The following CDHR2 variants were observed in gnomAD, a reference collection of about 807,000 sequenced individuals.
CDHR2 encodes the protein cadherin related family member 2.
In CDHR2, 104 loss-of-function variants were observed where a neutral mutation model predicts 138.6. That is an observed-to-expected ratio of 0.75 (90% confidence interval 0.64 to 0.88). The LOEUF (loss-of-function observed/expected upper bound fraction) is 0.88. Among genes scored for constraint, CDHR2 ranks in the 40% least tolerant of loss-of-function variants. The probability of loss-of-function intolerance (pLI) is 0.00; values close to 1 mark genes in which losing one functional copy is unlikely to be tolerated. For synonymous variants in CDHR2, 755 were observed against 742.8 expected (o/e 1.02, Z -0.27); for missense variants, 1,624 against 1,727.6 (o/e 0.94, Z 1.06).
Position 176,590,162 on chromosome 5 carries a change from C to T in CDHR2, c.3275+16C>T, listed in dbSNP as rs1469471791. ...CTGCAGCTCGGTGAGTGCCCAGAGG[C>T]CTGGGGGTGGGGTTGAGGGGGAGAA... On this transcript the variant is annotated intron_variant, in intron 25 of 31. Transcript: ENST00000261944. The T allele has an allele frequency of 1.9e-6, 3 of 1,612,366 alleles. No individual in the cohort carries two copies. The East Asian group carries it at 6.7e-5, about 36-fold the overall frequency.
chr5:176,573,403 G>T, intron 6 of CDHR2, among the ~76,000 whole-genome samples: 1 of 152,112 alleles, frequency 6.6e-6, no homozygotes, highest in Non-Finnish European at 1.5e-5. Context: ...ACTTTGGGAG[G>T]CTGAGGCGGG....
intron 6 of CDHR2, among the ~76,000 whole-genome samples, chr5:176,571,856 G>C (rs1758242691): frequency 6.6e-6 from 1 of 152,070 alleles, no homozygotes; most frequent in Non-Finnish European, 1.5e-5. Flanking sequence ...AAAAAATTTA[G>C]AGGTACCTCA....
intron 19 of CDHR2, among the ~76,000 whole-genome samples, 160 bp downstream of exon 19, chr5:176,585,175 T>G (rs1309184454): frequency 6.6e-6 from 1 of 152,254 alleles, no homozygotes; most frequent in African/African-American, 2.4e-5. Flanking sequence ...AAGCTTCAGT[T>G]TCCCCATCTG....
chr5:176,566,770 C>CTT (rs887870481), intron 3 of CDHR2, among the ~76,000 whole-genome samples: 43 of 152,364 alleles, frequency 2.8e-4, no homozygotes, highest in African/African-American at 1.0e-3. Context: ...ATTGCTTCTG[C>CTT]TTTTGTCTCT....
In CDHR2 at chr5:176,585,922, C is replaced by T. The variant is rs115317349; in HGVS notation, c.2735-32C>T. ...AGGCTCTTTGGGTCAAGCTTTTGCC[C>T]AGAGCCAAAGCCAGCTGACCTTGTC... On this transcript the variant is annotated intron_variant, in intron 19 of 31. Coordinates refer to ENST00000261944, the MANE Select transcript of CDHR2 (RefSeq NM_017675.6). 8.6e-4 allele frequency: 1,356 copies of T among 1,581,048 alleles called. 15 individuals are homozygous for T. The African/African-American group carries it at 0.016, about 18-fold the overall frequency.
intron 21 of CDHR2, among the ~76,000 whole-genome samples, chr5:176,588,011 C>A (rs1208932705): frequency 6.6e-6 from 1 of 152,178 alleles, no homozygotes; most frequent in African/African-American, 2.4e-5. Context: ...TTAACAGTAA[C>A]GTTGGTGAAC....
chr5:176,546,981 C>CT (rs10719326), upstream of CDHR2, among the ~76,000 whole-genome samples: 79 of 136,308 alleles, frequency 5.8e-4, 2 homozygotes, highest in African/African-American at 2.0e-3. Context: ...TCTTTTTGGT[C>CT]TTTTTTTTTT....
chr5:176,580,878 GAAAGAAA>G (rs750733827), intron 16 of CDHR2, among the ~76,000 whole-genome samples: 14 of 152,126 alleles, frequency 9.2e-5, no homozygotes, highest in African/African-American at 2.2e-4. Flanking sequence ...GAAACTGTAT[GAAAGAAA>G]AAAGAAAAAA....
At chr5:176,544,123 C>T (rs987874469) in intron 1 of CDHR2, among the ~76,000 whole-genome samples, 1 of 152,268 alleles carries the variant, frequency 6.6e-6, no homozygotes, top group Admixed American at 6.5e-5. Context: ...ACCAGGTCGT[C>T]TGCTTAGCCC....
At chr5:176,564,247 G>A (rs753186093) in intron 1 of CDHR2, among the ~76,000 whole-genome samples, 3 of 152,094 alleles carry the variant, frequency 2.0e-5, no homozygotes, top group Admixed American at 1.3e-4. Flanking sequence ...ATGCGATGGC[G>A]TGATCTCATC....
chr5:176,557,012 C>CT (rs1757846127), intron 1 of CDHR2, among the ~76,000 whole-genome samples: 3 of 73,338 alleles, frequency 4.1e-5, no homozygotes, highest in Admixed American at 1.6e-4. Flanking sequence ...CTCTCTCTCT[C>CT]TCTCTTTTTT....
intron 17 of CDHR2, among the ~76,000 whole-genome samples, chr5:176,583,385 C>T (rs1416705311): frequency 6.6e-6 from 1 of 152,222 alleles, no homozygotes; most frequent in African/African-American, 2.4e-5. Flanking sequence ...AAATTAGCAG[C>T]AGAAAAGACA....
Position 176,569,037 on chromosome 5 carries a change from A to G in CDHR2, c.315+27A>G, listed in dbSNP as rs751934610. ...TGAGTTGGGAGGTGCAGGGGGGTAG[A>G]CAGGGATTGCGAGAGTCCATTCCTG... On this transcript the variant is annotated intron_variant, in intron 5 of 31. Coordinates refer to ENST00000261944, the MANE Select transcript of CDHR2 (RefSeq NM_017675.6). 1.9e-5 allele frequency: 31 copies of G among 1,612,872 alleles called. No homozygotes were observed. In the African/African-American group the frequency reaches 4.0e-4, roughly 21 times the overall value.
chr5:176,587,791 G>A (rs934708475), intron 21 of CDHR2, among the ~76,000 whole-genome samples: 13 of 152,140 alleles, frequency 8.5e-5, no homozygotes, highest in African/African-American at 1.9e-4. Context: ...AGGGTCTCTC[G>A]GAGCCTCAGC....
rs2113315940 is a variant in CDHR2 at position 176,584,404 on chromosome 5, C to G, written c.2129-6C>G. On this transcript the variant is annotated splice_region_variant and splice_polypyrimidine_tract_variant and intron_variant, in intron 18 of 31. Transcript: ENST00000261944. ...AGTCCTTCTGAGCTCTGCCCCTTGTCCACAGGAGTGCTAGTGGGCGTGGTG... is the reference window on the plus strand; with the variant it reads ...AGTCCTTCTGAGCTCTGCCCCTTGTGCACAGGAGTGCTAGTGGGCGTGGTG... 1 of 1,598,236 alleles carries G rather than the reference C, an allele frequency of 6.3e-7. No homozygotes were observed.
intron 1 of CDHR2, among the ~76,000 whole-genome samples, chr5:176,560,253 C>A: frequency 6.6e-6 from 1 of 152,074 alleles, no homozygotes; most frequent in South Asian, 2.1e-4. Flanking sequence ...AAAAATTAGC[C>A]AGGCGTGGTG....
At chr5:176,593,968 T>G (rs1034100497) in intron 31 of CDHR2, among the ~76,000 whole-genome samples, 1 of 152,080 alleles carries the variant, frequency 6.6e-6, no homozygotes, top group African/African-American at 2.4e-5. Context: ...TGGCCAAAAC[T>G]CTAATGAACA....
At chr5:176,559,737 G>A (rs1757923650) in intron 1 of CDHR2, among the ~76,000 whole-genome samples, 1 of 151,902 alleles carries the variant, frequency 6.6e-6, no homozygotes. Context: ...CTATAACAGT[G>A]GCTGTCAACT....
intron 21 of CDHR2, among the ~76,000 whole-genome samples, chr5:176,587,713 T>G (rs1309258659): frequency 1.3e-5 from 2 of 152,074 alleles, no homozygotes; most frequent in African/African-American, 4.8e-5. Context: ...TCCCTATGCT[T>G]TGGAAAGGAC....
Sources: allele counts gnomAD v4.1 joint callset (sites outside exome capture counted in the v4.1 genomes callset), GRCh38; gene constraint gnomAD v4.1.1; transcripts MANE v1.5; gene names NCBI Gene and HGNC (gene_info 2026-07-23, HGNC 2026-07-21).